The following GPD1L variants were observed in gnomAD, a reference collection of about 807,000 sequenced individuals.
GPD1L encodes the protein glycerol-3-phosphate dehydrogenase 1 like, also known as glycerol-3-phosphate dehydrogenase 1-like protein.
Under a neutral mutation model 32.9 loss-of-function variants are expected in GPD1L, and 17 were observed. The ratio of observed to expected loss-of-function variants is 0.52; its 90% CI spans 0.35 to 0.78. GPD1L has a LOEUF of 0.78. Ranked by LOEUF, GPD1L falls within the 30% of genes least tolerant of loss-of-function variation. The pLI is 0.01. For missense variants in GPD1L, 361 were observed against 447.8 expected (o/e 0.81, Z 1.75); for synonymous variants, 187 against 165.9 (o/e 1.13, Z -0.98).
intron 3 of GPD1L, among the ~76,000 whole-genome samples, chr3:32,139,601 C>A (rs1053494170): frequency 6.1e-4 from 93 of 152,144 alleles, no homozygotes; most frequent in Non-Finnish European, 1.5e-4. Flanking sequence ...TAAGAACTCC[C>A]AAGAGAGGCT....
At chr3:32,140,432 AT>A (rs1700727119) in intron 4 of GPD1L, 66 bp downstream of exon 4, 1 of 1,541,724 alleles carries the variant, frequency 6.5e-7, no homozygotes, top group African/African-American at 1.4e-5. Flanking sequence ...TACATATTCC[AT>A]TTCTGATATT....
intron 1 of GPD1L, among the ~76,000 whole-genome samples, chr3:32,124,562 C>T (rs551605550): frequency 9.2e-5 from 14 of 152,202 alleles, no homozygotes; most frequent in East Asian, 7.7e-4. Context: ...ATTTTGGGTG[C>T]GGGTTATACT....
At chr3:32,145,011 GTATTA>G (rs1700799572) in intron 4 of GPD1L, among the ~76,000 whole-genome samples, 2 of 150,800 alleles carry the variant, frequency 1.3e-5, no homozygotes, top group African/African-American at 4.9e-5. Context: ...CTTATGACTG[GTATTA>G]TATTAATAAT....
intron 1 of GPD1L, among the ~76,000 whole-genome samples, chr3:32,107,471 TG>T (rs1700180963): frequency 6.6e-6 from 1 of 152,124 alleles, no homozygotes; most frequent in African/African-American, 2.4e-5. Flanking sequence ...ACGTACACTG[TG>T]GGATTCTCTG....
In GPD1L at chr3:32,110,395, C is replaced by A. The variant is rs576433977; in HGVS notation, c.47+3637C>A. On this transcript the variant is annotated intron_variant, in intron 1 of 7. Coordinates refer to ENST00000282541, the MANE Select transcript of GPD1L (RefSeq NM_015141.4). ...TAGACCTACCCTTCCAGATCTGGTTCTTACCTCAGGAATGTCAAGTTGCTT... is the reference window on the plus strand; with the variant it reads ...TAGACCTACCCTTCCAGATCTGGTTATTACCTCAGGAATGTCAAGTTGCTT... 5.9e-5 allele frequency among the ~76,000 whole-genome samples: 9 copies of A among 152,300 alleles called. No homozygotes were observed. In the South Asian group the frequency reaches 1.9e-3, roughly 32 times the overall value.
At chr3:32,148,344 A>G (rs1700862298) in intron 5 of GPD1L, among the ~76,000 whole-genome samples, 1 of 152,092 alleles carries the variant, frequency 6.6e-6, no homozygotes, top group Admixed American at 6.5e-5. Context: ...TGAACTTAGA[A>G]TGGCTTTCAT....
chr3:32,113,033 C>A (rs1040415013), intron 1 of GPD1L, among the ~76,000 whole-genome samples: 2 of 152,098 alleles, frequency 1.3e-5, no homozygotes, highest in Admixed American at 6.5e-5. Context: ...GGATAAATAT[C>A]ATTTTCATAA....
At chr3:32,114,637 T>C (rs1338637808) in intron 1 of GPD1L, among the ~76,000 whole-genome samples, 32 of 152,256 alleles carry the variant, frequency 2.1e-4, no homozygotes. Context: ...ATTCTTATTG[T>C]TTCCGGACTT....
At position 32,145,734 on chromosome 3, in the gene GPD1L, A is replaced by G. The variant is rs150805528; in HGVS notation, c.506-888A>G. ...AACAGTGTTGCACAGAGTCACCTAG[A>G]CAGCCTGGTGGACTGTTTAAAAAGG... On this transcript the variant is annotated intron_variant, in intron 4 of 7. Coordinates refer to ENST00000282541, the MANE Select transcript of GPD1L (RefSeq NM_015141.4). Among the ~76,000 whole-genome samples the G allele has an allele frequency of 3.2e-3, 481 of 152,308 alleles. 1 individual carries two copies. The highest frequency in any genetic ancestry group is 0.014 in the Middle Eastern group (4 of 294).
At chr3:32,114,828 C>T (rs941145812) in intron 1 of GPD1L, among the ~76,000 whole-genome samples, 1 of 152,144 alleles carries the variant, frequency 6.6e-6, no homozygotes, top group East Asian at 1.9e-4. Flanking sequence ...GGAGTGAAGC[C>T]ACAGACCTTC....
chr3:32,108,442 G>T (rs897650933), intron 1 of GPD1L, among the ~76,000 whole-genome samples: 5 of 152,172 alleles, frequency 3.3e-5, no homozygotes, highest in African/African-American at 1.2e-4. Context: ...GGGAGGCAGA[G>T]GTTGCAGTGA....
chr3:32,158,811 C>T, intron 5 of GPD1L, 65 bp from the exon 6 acceptor site: 1 of 1,578,066 alleles, frequency 6.3e-7, no homozygotes, highest in Non-Finnish European at 8.6e-7. Flanking sequence ...TCCCCCACCA[C>T]CTCTGGCATC....
intron 1 of GPD1L, among the ~76,000 whole-genome samples, chr3:32,113,979 G>A (rs968638732): frequency 2.0e-5 from 3 of 152,124 alleles, no homozygotes; most frequent in Non-Finnish European, 4.4e-5. Flanking sequence ...TTAACCTCCC[G>A]AGTAGCTGGG....
chr3:32,141,975 CTGT>C lies in GPD1L; in HGVS notation c.505+1615_505+1617del, dbSNP rs1342081772. On this transcript the variant is annotated intron_variant, in intron 4 of 7. Transcript: ENST00000282541. ...TCTCCTCTCTAGTAGTCCCCAGTAT[CTGT>C]TGTTGCTATCTTTATGTTCATGGGT... Among the ~76,000 whole-genome samples, 5 of 152,206 alleles carry C rather than the reference CTGT, an allele frequency of 3.3e-5. No homozygotes were observed. In the East Asian group the frequency reaches 9.7e-4, roughly 29 times the overall value.
At chr3:32,113,133 C>G (rs1700276651) in intron 1 of GPD1L, among the ~76,000 whole-genome samples, 1 of 146,604 alleles carries the variant, frequency 6.8e-6, no homozygotes, top group Non-Finnish European at 1.5e-5. Context: ...TCATCTCATT[C>G]AGTTTCCCAC....
At chr3:32,152,298 C>T (rs938754693) in intron 5 of GPD1L, among the ~76,000 whole-genome samples, 1 of 152,080 alleles carries the variant, frequency 6.6e-6, no homozygotes, top group Admixed American at 6.6e-5. Context: ...CAATTCTATT[C>T]TATAGAATTC....
rs567344531 is a variant in GPD1L at position 32,126,876 on chromosome 3, C to T, written c.48-1200C>T. Among the ~76,000 whole-genome samples the T allele has an allele frequency of 4.6e-5, 7 of 152,174 alleles. No homozygotes were observed. The South Asian group carries it at 1.2e-3, about 27-fold the overall frequency. ...TTGGCCTGGGGTGTGGTCTGGGACT[C>T]AGGATTTTTAAATCTCCCGGGTAAC... On this transcript the variant is annotated intron_variant, in intron 1 of 7. Transcript: ENST00000282541.
At chr3:32,122,246 ACAATAGGG>A (rs144572260) in intron 1 of GPD1L, among the ~76,000 whole-genome samples, 1,962 of 152,284 alleles carry the variant, frequency 0.013, 55 homozygotes, top group African/African-American at 0.044. Context: ...ACTCTACACT[ACAATAGGG>A]CAAATATGAA....
At chr3:32,144,054 G>C (rs1559578271) in intron 4 of GPD1L, among the ~76,000 whole-genome samples, 1 of 152,196 alleles carries the variant, frequency 6.6e-6, no homozygotes, top group Admixed American at 6.5e-5. Flanking sequence ...GGTTGCTGTG[G>C]AAGACAATGC....
Sources: allele counts gnomAD v4.1 joint callset (sites outside exome capture counted in the v4.1 genomes callset), GRCh38; gene constraint gnomAD v4.1.1; transcripts MANE v1.5; gene names NCBI Gene and HGNC (gene_info 2026-07-23, HGNC 2026-07-21).